The following LRP11 variants were observed in gnomAD, a reference collection of about 807,000 sequenced individuals.
LRP11 encodes the protein low-density lipoprotein receptor-related protein 11.
In LRP11, 25 loss-of-function variants were observed where a neutral mutation model predicts 43.1. The observed-to-expected ratio is 0.58, with a 90% confidence interval of 0.42 to 0.81. The LOEUF is 0.81. Among genes scored for constraint, LRP11 ranks in the 30% least tolerant of loss-of-function variants. LRP11 has a pLI of 0.00. For missense variants in LRP11, 623 were observed against 665.1 expected (o/e 0.94, Z 0.70); for synonymous variants, 316 against 299.4 (o/e 1.06, Z -0.57).
chr6:149,853,541 CTT>C (rs576121319), intron 1 of LRP11, among the ~76,000 whole-genome samples: 35 of 152,302 alleles, frequency 2.3e-4, no homozygotes, highest in South Asian at 1.5e-3. Flanking sequence ...GAGTTTTGCT[CTT>C]GTCACCCAGG....
intron 2 of LRP11, among the ~76,000 whole-genome samples, chr6:149,848,457 T>C (rs1331249637): frequency 2.0e-5 from 3 of 152,156 alleles, no homozygotes; most frequent in Non-Finnish European, 4.4e-5. Context: ...CTATTCACAA[T>C]AGCAAAGATA....
intron 1 of LRP11, among the ~76,000 whole-genome samples, chr6:149,858,984 A>T (rs1267105236): frequency 6.6e-6 from 1 of 152,178 alleles, no homozygotes; most frequent in East Asian, 1.9e-4. Context: ...GTGAGCTAGA[A>T]GTGTATATAA....
At chr6:149,853,371 G>A (rs6899595) in intron 1 of LRP11, among the ~76,000 whole-genome samples, 17,626 of 151,988 alleles carry the variant, frequency 0.12, 2,929 homozygotes, top group African/African-American at 0.37. Flanking sequence ...GGCTGGTAGC[G>A]ATTTTGGGTA....
intron 5 of LRP11, among the ~76,000 whole-genome samples, chr6:149,832,909 C>T (rs1218720885): frequency 1.7e-4 from 26 of 152,096 alleles, no homozygotes; most frequent in African/African-American, 5.8e-4. Flanking sequence ...CCCGGGTTCA[C>T]GCCATTCTCC....
intron 1 of LRP11, among the ~76,000 whole-genome samples, chr6:149,862,213 G>A (rs921510106): frequency 3.3e-5 from 5 of 152,212 alleles, no homozygotes; most frequent in Non-Finnish European, 7.3e-5. Flanking sequence ...CTAAGGTAGA[G>A]GTGGGGAGGG....
chr6:149,852,280 C>A (rs544849507), intron 2 of LRP11, among the ~76,000 whole-genome samples: 4 of 152,354 alleles, frequency 2.6e-5, no homozygotes, highest in African/African-American at 9.6e-5. Flanking sequence ...CCTTACCTCA[C>A]CCTCTTTCTC....
At chr6:149,826,604 C>CG (rs3215954) in intron 5 of LRP11, among the ~76,000 whole-genome samples, 79,275 of 151,670 alleles carry the variant, frequency 0.52, 23,450 homozygotes, top group East Asian at 0.83. Flanking sequence ...CACCCTGCAC[C>CG]GAACTACCAC....
intron 1 of LRP11, among the ~76,000 whole-genome samples, chr6:149,859,028 A>G (rs1368422010): frequency 1.3e-5 from 2 of 151,842 alleles, no homozygotes; most frequent in Non-Finnish European, 2.9e-5. Flanking sequence ...TGAGTAAAAC[A>G]CTTTTTTGCT....
In LRP11 at chr6:149,826,340, C is replaced by T. The variant is rs764397381; in HGVS notation, c.1272G>A (p.Lys424=). The T allele has an allele frequency of 6.2e-7, 1 of 1,613,080 alleles. No individual in the cohort carries two copies. The highest frequency in any genetic ancestry group is 1.7e-5 in the Admixed American group (1 of 60,014). Residue 424 remains lysine, a synonymous_variant, in exon 6 of 7, where the codon AAG becomes AAA. Coordinates refer to ENST00000239367, the MANE Select transcript of LRP11 (RefSeq NM_032832.6). ...PVMPDSSSSG[K]NRKEESYIFE... is the part of the protein sequence containing the mutation. ...ATATATAACTTTCCTCTTTTCTGTTCTTCCCTGAGGAACTACTATCTGCAG... is the reference window on the plus strand; with the variant it reads ...ATATATAACTTTCCTCTTTTCTGTTTTTCCCTGAGGAACTACTATCTGCAG...
At chr6:149,838,849 G>A (rs534030343) in intron 3 of LRP11, among the ~76,000 whole-genome samples, 2 of 152,148 alleles carry the variant, frequency 1.3e-5, no homozygotes, top group South Asian at 4.2e-4. Context: ...GAGGAGAACC[G>A]GGTGACTATC....
intron 4 of LRP11, 100 bp downstream of exon 4, chr6:149,837,238 C>T (rs564702444): frequency 1.4e-5 from 18 of 1,276,520 alleles, no homozygotes; most frequent in Admixed American, 4.8e-5. Context: ...TAAAATCAAG[C>T]AGGGGAAGGA....
At chr6:149,830,072 G>A (rs1433148375) in intron 5 of LRP11, among the ~76,000 whole-genome samples, 4 of 147,224 alleles carry the variant, frequency 2.7e-5, no homozygotes, top group African/African-American at 7.6e-5. Context: ...GTGCACTGGC[G>A]CAATCTCGGC....
chr6:149,857,342 G>C (rs1776814590), intron 1 of LRP11, among the ~76,000 whole-genome samples: 1 of 151,910 alleles, frequency 6.6e-6, no homozygotes, highest in African/African-American at 2.4e-5. Flanking sequence ...GACCAGCCTG[G>C]AACTGGTGAA....
chr6:149,847,469 G>A (rs1294639647), intron 2 of LRP11, among the ~76,000 whole-genome samples: 1 of 152,176 alleles, frequency 6.6e-6, no homozygotes, highest in Non-Finnish European at 1.5e-5. Flanking sequence ...TCACACGGAT[G>A]CTTTCCCTTT....
intron 5 of LRP11, among the ~76,000 whole-genome samples, chr6:149,833,600 G>A (rs1054048800): frequency 6.6e-6 from 1 of 152,130 alleles, no homozygotes; most frequent in East Asian, 1.9e-4. Flanking sequence ...AATTTTAATG[G>A]TGAGTTTTGC....
rs530860481 is a variant in LRP11 at position 149,827,151 on chromosome 6, G to C, written c.1253-792C>G. 6.6e-6 allele frequency among the ~76,000 whole-genome samples: 1 copy of C among 151,942 alleles called. No individual in the cohort carries two copies. Among genetic ancestry groups the C allele is most frequent in the South Asian group, 2.1e-4 (1 of 4,808 alleles). On this transcript the variant is annotated intron_variant, in intron 5 of 6. Coordinates refer to ENST00000239367, the MANE Select transcript of LRP11 (RefSeq NM_032832.6). The surrounding 1 kb of genome is among the most constrained non-coding windows in gnomAD (Gnocchi z 4.2). ...CTCGCTAATTTTTGTATTTTTAGTA[G>C]AGACGGGGTTTTGCCATGTTCCCCA... is the stretch of plus-strand genomic sequence containing the variant.
Position 149,850,207 on chromosome 6 carries a change from A to G in LRP11, c.771+2796T>C, listed in dbSNP as rs556202844. 2.0e-5 allele frequency among the ~76,000 whole-genome samples: 3 copies of G among 152,300 alleles called. No individual in the cohort carries two copies. The East Asian group carries it at 5.8e-4, about 29-fold the overall frequency. On this transcript the variant is annotated intron_variant, in intron 2 of 6. Coordinates refer to ENST00000239367, the MANE Select transcript of LRP11 (RefSeq NM_032832.6). Reference sequence around the variant, plus strand: ...TTTGCTGTGTGACTGCCCTCCCTCTATTCTCAACAACCTTCAAACTTAGCC... The same window carrying G: ...TTTGCTGTGTGACTGCCCTCCCTCTGTTCTCAACAACCTTCAAACTTAGCC...
chr6:149,850,741 G>T (rs1776706176), intron 2 of LRP11, among the ~76,000 whole-genome samples: 1 of 152,126 alleles, frequency 6.6e-6, no homozygotes, highest in African/African-American at 2.4e-5. Context: ...CATTTCTATG[G>T]ACAAGAATCA....
At chr6:149,862,623 A>C (rs188010639) in intron 1 of LRP11, among the ~76,000 whole-genome samples, 134 of 124,172 alleles carry the variant, frequency 1.1e-3, no homozygotes, top group African/African-American at 4.1e-3. Flanking sequence ...CTTGTTGCCC[A>C]GGCTGGAGTG....
Sources: allele counts gnomAD v4.1 joint callset (sites outside exome capture counted in the v4.1 genomes callset), GRCh38; gene constraint gnomAD v4.1.1; non-coding constraint Gnocchi (gnomAD v3.1); transcripts MANE v1.5; gene names NCBI Gene and HGNC (gene_info 2026-07-23, HGNC 2026-07-21).